The following NFILZ variants were observed in gnomAD, a reference collection of about 807,000 sequenced individuals.
NFILZ encodes the protein NFIL3 like protein.
At chr19:8,650,143 A>G (rs2042958746) in intron 3 of NFILZ, among the ~76,000 whole-genome samples, 1 of 151,434 alleles carries the variant, frequency 6.6e-6, no homozygotes, top group South Asian at 2.1e-4. Flanking sequence ...CCAAAAAATT[A>G]CTGCGGTTAC....
chr19:8,656,540 C>CCGCAGCCCA (rs2043004442), intron 3 of NFILZ, among the ~76,000 whole-genome samples: 1 of 146,368 alleles, frequency 6.8e-6, no homozygotes. Flanking sequence ...TCTGAAGCTC[C>CCGCAGCCCA]CCTTCTCCCC....
intron 3 of NFILZ, among the ~76,000 whole-genome samples, chr19:8,662,576 TGAG>T (rs1445566521): frequency 2.0e-5 from 3 of 151,102 alleles, no homozygotes; most frequent in African/African-American, 7.3e-5. Flanking sequence ...TCCAGTTACG[TGAG>T]GAGAAGAGTC....
intron 3 of NFILZ, among the ~76,000 whole-genome samples, chr19:8,650,087 C>A (rs1020224501): frequency 5.3e-5 from 8 of 150,816 alleles, no homozygotes; most frequent in Admixed American, 4.6e-4. Flanking sequence ...TGCACTCCAG[C>A]CTGGCCAGCT....
intron 3 of NFILZ, among the ~76,000 whole-genome samples, chr19:8,646,085 G>C (rs2042938148): frequency 6.6e-6 from 1 of 151,840 alleles, no homozygotes; most frequent in South Asian, 2.1e-4. Flanking sequence ...TGCCCAGGCT[G>C]GAGTCCAGTG....
At chr19:8,635,490 G>T (rs2042890541) in intron 2 of NFILZ, among the ~76,000 whole-genome samples, 160 bp from the exon 3 acceptor site, 1 of 151,980 alleles carries the variant, frequency 6.6e-6, no homozygotes, top group Admixed American at 6.6e-5. Context: ...TTATGTCAAT[G>T]GAATCGTACC....
At chr19:8,642,441 A>G (rs1302229108) in intron 3 of NFILZ, among the ~76,000 whole-genome samples, 9 of 152,176 alleles carry the variant, frequency 5.9e-5, no homozygotes, top group Non-Finnish European at 1.2e-4. Context: ...TTGCAACCAT[A>G]GCCACTTATT....
intron 3 of NFILZ, among the ~76,000 whole-genome samples, chr19:8,647,995 AC>A (rs782298097): frequency 6.6e-5 from 10 of 150,888 alleles, no homozygotes; most frequent in African/African-American, 2.2e-4. Flanking sequence ...ACACGGTGAA[AC>A]CCCGTCTCTA....
At chr19:8,631,047 A>G (rs935667724) in intron 1 of NFILZ, among the ~76,000 whole-genome samples, 2 of 152,102 alleles carry the variant, frequency 1.3e-5, no homozygotes, top group African/African-American at 4.8e-5. Flanking sequence ...TTTAATAGAC[A>G]CCTGTGCTTT....
chr19:8,631,012 G>A (rs1320089715), intron 1 of NFILZ, among the ~76,000 whole-genome samples: 1 of 152,182 alleles, frequency 6.6e-6, no homozygotes, highest in African/African-American at 2.4e-5. Context: ...GACTAGGATC[G>A]TTTCATGCAG....
chr19:8,653,038 T>TTCTTTCTCTCTCCCTCTCTC (rs1555747925), intron 3 of NFILZ, among the ~76,000 whole-genome samples: 33 of 90,574 alleles, frequency 3.6e-4, no homozygotes, highest in Middle Eastern at 0.011. Context: ...CTTTCTTTCT[T>TTCTTTCTCTCTCCCTCTCTC]TCTCTCTCTC....
At chr19:8,634,644 G>A (rs1343193141) in intron 2 of NFILZ, among the ~76,000 whole-genome samples, 2 of 152,182 alleles carry the variant, frequency 1.3e-5, no homozygotes, top group Non-Finnish European at 2.9e-5. Flanking sequence ...GGGAGGCTGA[G>A]GCGGGCGGAT....
intron 3 of NFILZ, among the ~76,000 whole-genome samples, chr19:8,673,008 G>T (rs576815410): frequency 1.3e-5 from 2 of 152,220 alleles, no homozygotes; most frequent in Non-Finnish European, 2.9e-5. Flanking sequence ...GATAGAAAAT[G>T]CTTGGGCGGG....
At chr19:8,631,667 C>A (rs1013522123) in intron 1 of NFILZ, among the ~76,000 whole-genome samples, 11 of 152,162 alleles carry the variant, frequency 7.2e-5, no homozygotes, top group African/African-American at 2.4e-4. Context: ...GCTTCCCCTA[C>A]ATCCAGCCGC....
intron 3 of NFILZ, among the ~76,000 whole-genome samples, chr19:8,662,631 C>T (rs2043037029): frequency 6.7e-6 from 1 of 150,328 alleles, no homozygotes. Flanking sequence ...TGAAGTTTTC[C>T]TTTTCTTCCT....
chr19:8,652,156 G>A (rs1470239319), intron 3 of NFILZ, among the ~76,000 whole-genome samples: 2 of 148,650 alleles, frequency 1.3e-5, no homozygotes, highest in African/African-American at 2.5e-5. Context: ...AGGCTGGAGT[G>A]CGGTGGCGCG....
At chr19:8,651,912 C>T (rs1555747746) in intron 3 of NFILZ, among the ~76,000 whole-genome samples, 2 of 152,156 alleles carry the variant, frequency 1.3e-5, no homozygotes, top group East Asian at 3.8e-4. Flanking sequence ...GGTAGCCATC[C>T]TTCAACTATC....
chr19:8,654,761 G>A (rs547337099), intron 3 of NFILZ, among the ~76,000 whole-genome samples: 7 of 152,172 alleles, frequency 4.6e-5, no homozygotes, highest in African/African-American at 1.7e-4. Context: ...AGCCTAGGCC[G>A]GCTCAGCGAC....
intron 3 of NFILZ, among the ~76,000 whole-genome samples, chr19:8,637,376 C>T (rs1257937582): frequency 1.3e-5 from 2 of 151,832 alleles, no homozygotes; most frequent in Non-Finnish European, 2.9e-5. Flanking sequence ...CACAAAGTTA[C>T]CATAGAACTC....
At chr19:8,641,055 A>G (rs1428421554) in intron 3 of NFILZ, among the ~76,000 whole-genome samples, 1 of 152,178 alleles carries the variant, frequency 6.6e-6, no homozygotes, top group African/African-American at 2.4e-5. Context: ...TTGTAATTGT[A>G]GCATTTGGTG....
Sources: gnomAD v4.1 joint callset for allele counts (sites outside exome capture counted in the v4.1 genomes callset) on GRCh38, gnomAD v4.1.1 for gene constraint, MANE v1.5 for transcripts, NCBI Gene and HGNC (gene_info 2026-07-23, HGNC 2026-07-21) for gene names.